ZSWIM9: variants seen among roughly 807,000 people sequenced by gnomAD.
ZSWIM9 encodes the protein zinc finger SWIM-type containing 9.
ZSWIM9 carries 11 observed loss-of-function variants against 25.0 expected under a neutral mutation model. The observed-to-expected ratio is 0.44, with a 90% CI of 0.28 to 0.73. The LOEUF (loss-of-function observed/expected upper bound fraction) is 0.73. ZSWIM9 is among the 30% of genes least tolerant of loss of function. The pLI is 0.16. For synonymous variants in ZSWIM9, 562 were observed against 582.1 expected (o/e 0.97, Z 0.50); for missense variants, 1,070 against 1,296.5 (o/e 0.83, Z 2.68).
rs1036452374 is a variant in ZSWIM9 at position 48,197,250 on chromosome 19, A to C, written c.*423A>C. 1.3e-5 allele frequency: 9 copies of C among 702,586 alleles called. No individual in the cohort carries two copies. The highest frequency in any genetic ancestry group is 2.3e-5 in the Non-Finnish European group (9 of 384,866). 43.5% of individuals were successfully genotyped at this position (702,586 alleles called of 1,614,324 possible). On this transcript the variant is annotated 3_prime_UTR_variant, in exon 4 of 4. Coordinates refer to ENST00000614654, the MANE Select transcript of ZSWIM9 (RefSeq NM_199341.4). The stretch of plus-strand genomic sequence containing the variant: ...AGAGGGGAAAGGGAGAAAGTACAGA[A>C]GACAGATGAAGGAGAGGAGGTAAGC...
At chr19:48,176,534 C>T (rs2036895043) in intron 2 of ZSWIM9, among the ~76,000 whole-genome samples, 1 of 152,126 alleles carries the variant, frequency 6.6e-6, no homozygotes, top group African/African-American at 2.4e-5. Flanking sequence ...AATTACCACC[C>T]TCCCGCCTTT....
intron 1 of ZSWIM9, 27 bp from the exon 2 acceptor site, chr19:48,171,767 C>T: frequency 6.6e-7 from 1 of 1,511,760 alleles, no homozygotes; most frequent in Non-Finnish European, 8.8e-7. Context: ...GGTCTGATAT[C>T]CACCTGTTCT....
chr19:48,175,752 TC>T (rs1187246597), intron 2 of ZSWIM9, among the ~76,000 whole-genome samples: 2 of 152,084 alleles, frequency 1.3e-5, no homozygotes, highest in East Asian at 3.9e-4. Context: ...ACACAGTGAC[TC>T]TCTTGAAGTC....
In ZSWIM9 at chr19:48,182,854, C is replaced by G. The variant is rs1451803660; in HGVS notation, c.588+87C>G. 1.1e-5 allele frequency: 10 copies of G among 908,124 alleles called. No individual in the cohort carries two copies. The highest frequency in any genetic ancestry group is 3.3e-5 in the African/African-American group (2 of 60,120). The allele number at this position is 908,124 out of a possible 1,614,324, so 56.3% of individuals were successfully genotyped here. On this transcript the variant is annotated intron_variant, in intron 3 of 3. Transcript: ENST00000614654. The surrounding 1 kb of genome is among the most constrained non-coding windows in gnomAD (Gnocchi z 4.6). ...TGGGTCATTCATGCCTTCATCCGCC[C>G]TCTCATCCCTTCACTCCTTTCCTCC...
At chr19:48,185,170 G>T (rs530965822) in intron 3 of ZSWIM9, among the ~76,000 whole-genome samples, 19 of 138,738 alleles carry the variant, frequency 1.4e-4, no homozygotes, top group South Asian at 6.7e-4. Context: ...ACGGAGTTTC[G>T]CTCTTGTCAC....
At chr19:48,184,393 T>G (rs911723907) in intron 3 of ZSWIM9, among the ~76,000 whole-genome samples, 6 of 152,034 alleles carry the variant, frequency 3.9e-5, no homozygotes, top group African/African-American at 9.7e-5. Flanking sequence ...AACTTCAAGT[T>G]TGGGGTGAAC....
At chr19:48,189,579 A>G (rs192336336) in intron 3 of ZSWIM9, 1 of 154,356 alleles carries the variant, frequency 6.5e-6, no homozygotes, top group Non-Finnish European at 1.5e-5. Context: ...AACAAACAAA[A>G]AAAAAAGAAT....
Position 48,196,650 on chromosome 19 carries a change from T to C in ZSWIM9, c.2586T>C (p.Leu862=), listed in dbSNP as rs1008277647. The C allele has an allele frequency of 1.6e-6, 2 of 1,232,724 alleles. No individual in the cohort carries two copies. The highest frequency in any genetic ancestry group is 1.0e-6 in the Non-Finnish European group (1 of 988,424). The allele number at this position is 1,232,724 out of a possible 1,614,324, so 76.4% of individuals were successfully genotyped here. A position where few individuals can be genotyped will look rare whatever the true frequency, so the allele number is the denominator to read the frequency against. The change falls in exon 4 of 4, where the codon CTT becomes CTC. Residue 862 remains leucine, a synonymous_variant. Coordinates refer to ENST00000614654, the MANE Select transcript of ZSWIM9 (RefSeq NM_199341.4). ...GFHWTGAGFA[L]KDGTSDFFLD... ...ACTGGACCGGAGCTGGCTTTGCCCTTAAGGACGGCACCTCGGACTTCTTCC... is the reference window on the plus strand; with the variant it reads ...ACTGGACCGGAGCTGGCTTTGCCCTCAAGGACGGCACCTCGGACTTCTTCC...
At chr19:48,176,944 G>A (rs1033672940) in intron 2 of ZSWIM9, among the ~76,000 whole-genome samples, 9 of 151,834 alleles carry the variant, frequency 5.9e-5, no homozygotes, top group African/African-American at 9.7e-5. Flanking sequence ...GTGTGGCGGC[G>A]TGTACCTGTA....
chr19:48,187,230 T>C (rs1237928935), intron 3 of ZSWIM9, among the ~76,000 whole-genome samples: 2 of 146,848 alleles, frequency 1.4e-5, no homozygotes, highest in African/African-American at 2.5e-5. Context: ...AAAAAAAAGA[T>C]GTAATTGAGG....
intron 3 of ZSWIM9, among the ~76,000 whole-genome samples, chr19:48,185,374 A>AT (rs1424271124): frequency 6.6e-6 from 1 of 152,136 alleles, no homozygotes. Flanking sequence ...ACCTCAGGTG[A>AT]TCCCCCCGCC....
At chr19:48,178,849 C>T (rs1033093214) in intron 2 of ZSWIM9, among the ~76,000 whole-genome samples, 9 of 152,276 alleles carry the variant, frequency 5.9e-5, no homozygotes, top group Admixed American at 5.9e-4. Flanking sequence ...GCTAGAATTA[C>T]AGGCGTCAGC....
At chr19:48,179,297 G>C (rs2036923915) in intron 2 of ZSWIM9, among the ~76,000 whole-genome samples, 1 of 151,894 alleles carries the variant, frequency 6.6e-6, no homozygotes, top group Admixed American at 6.6e-5. Context: ...GAATAGCTAG[G>C]ACTATGGGTG....
chr19:48,195,162 C>A lies in ZSWIM9; in HGVS notation c.1098C>A (p.His366Gln), dbSNP rs1271803484. Residue 366 changes from histidine (H) to glutamine (Q), a missense_variant, in exon 4 of 4, where the codon CAC becomes CAA. This residue lies in a region of ZSWIM9 where 184 missense variants were observed against 243.1 expected (regional missense o/e 0.76). Coordinates refer to ENST00000614654, the MANE Select transcript of ZSWIM9 (RefSeq NM_199341.4). This position sits in a 1 kb window ranked among gnomAD's most constrained non-coding sequence, Gnocchi z 5.8. The stretch of plus-strand genomic sequence containing the variant: ...ACGACGAGGCGCTGGCCGAGCTCCA[C>A]GCCCACGGCCCAGCCGCCTTCGTGG... ...AAYDEALAEL[H>Q]AHGPAAFVDY... The A allele has an allele frequency of 1.6e-5, 25 of 1,517,080 alleles. No homozygotes were observed. The highest frequency in any genetic ancestry group is 1.9e-4 in the Middle Eastern group (1 of 5,354). 94.0% of individuals were successfully genotyped at this position (1,517,080 alleles called of 1,614,324 possible). A position where few individuals can be genotyped will look rare whatever the true frequency, so the allele number is the denominator to read the frequency against.
In ZSWIM9 at chr19:48,194,070, G is replaced by A. The variant is rs2037129235; in HGVS notation, c.589-583G>A. On this transcript the variant is annotated intron_variant, in intron 3 of 3. Coordinates refer to ENST00000614654, the MANE Select transcript of ZSWIM9 (RefSeq NM_199341.4). The surrounding 1 kb of genome is among the most constrained non-coding windows in gnomAD (Gnocchi z 6.0). ...CAGAGAGGTTAAATCGCAGGGTTCA[G>A]AAGTGTTGGGGGTGGGACTCAAAGC... 6.6e-6 allele frequency among the ~76,000 whole-genome samples: 1 copy of A among 152,178 alleles called. No homozygotes were observed.
chr19:48,187,754 A>G (rs886386694), intron 3 of ZSWIM9: 1 of 145,848 alleles, frequency 6.9e-6, no homozygotes, highest in Non-Finnish European at 1.5e-5. Context: ...CCTGGCCAAC[A>G]TAACGAGCAC....
chr19:48,174,228 A>G (rs2036870363), intron 2 of ZSWIM9, among the ~76,000 whole-genome samples: 2 of 152,000 alleles, frequency 1.3e-5, no homozygotes, highest in Non-Finnish European at 2.9e-5. Context: ...GCTGCCTGAG[A>G]CATGCTCCAC....
chr19:48,180,308 G>A (rs942162471), intron 2 of ZSWIM9, among the ~76,000 whole-genome samples: 6 of 149,324 alleles, frequency 4.0e-5, no homozygotes, highest in South Asian at 4.2e-4. Flanking sequence ...GAGCCACCGC[G>A]CCAGGCCATT....
chr19:48,184,040 A>T (rs1027274028), intron 3 of ZSWIM9, among the ~76,000 whole-genome samples: 1 of 151,804 alleles, frequency 6.6e-6, no homozygotes, highest in Admixed American at 6.6e-5. Context: ...GGGAGAACAC[A>T]CCTGAACCCA....
Sources: allele counts gnomAD v4.1 joint callset (sites outside exome capture counted in the v4.1 genomes callset), GRCh38; gene constraint gnomAD v4.1.1; regional missense constraint gnomAD v4.1.1; non-coding constraint Gnocchi (gnomAD v3.1); transcripts MANE v1.5; gene names NCBI Gene and HGNC (gene_info 2026-07-23, HGNC 2026-07-21).